GALNT12: variants seen among roughly 807,000 people sequenced by gnomAD.
GALNT12 encodes the protein UDP-GalNAc:polypeptide N-acetylgalactosaminyltransferase 12.
Under a neutral mutation model 55.5 loss-of-function variants are expected in GALNT12, and 45 were observed. That is an observed-to-expected ratio of 0.81 (90% confidence interval 0.64 to 1.04). The LOEUF is 1.04. Among genes scored for constraint, GALNT12 ranks in the 50% least tolerant of loss-of-function variants. The pLI is 0.00. For synonymous variants in GALNT12, 304 were observed against 312.2 expected, an observed-to-expected ratio of 0.97 and a Z score of 0.28; for missense variants, 709 against 754.8, an observed-to-expected ratio of 0.94 and a Z score of 0.71.
At chr9:98,812,012 A>C (rs1835506668) in intron 1 of GALNT12, among the ~76,000 whole-genome samples, 1 of 152,202 alleles carries the variant, frequency 6.6e-6, no homozygotes, top group Non-Finnish European at 1.5e-5. Flanking sequence ...GTAATTAAGC[A>C]AAAGTATGTC....
At chr9:98,844,017 G>A in intron 7 of GALNT12, 79 bp from the exon 8 acceptor site, 2 of 958,256 alleles carry the variant, frequency 2.1e-6, no homozygotes, top group Admixed American at 1.8e-5. Context: ...CTCATGCCAG[G>A]TACCCTCCCC....
At position 98,845,983 on chromosome 9, in the gene GALNT12, G is replaced by A. The variant is rs137917376; in HGVS notation, c.1465G>A (p.Glu489Lys). Reference protein sequence around the residue: ...CHGMGQNQFFEYTSQKEIRYN... With the variant: ...CHGMGQNQFFKYTSQKEIRYN... ...TTGGCTGCCCCATTTTTAGTTTTTC[G>A]AGTACACGTCCCAGAAAGAAATACG... The change falls in exon 9 of 10, where the codon GAG becomes AAG. Residue 489 changes from glutamate (E) to lysine (K), a missense_variant. Coordinates refer to ENST00000375011, the MANE Select transcript of GALNT12 (RefSeq NM_024642.5). 40 of 1,614,010 alleles carry A rather than the reference G, an allele frequency of 2.5e-5. No individual in the cohort carries two copies. The highest frequency in any genetic ancestry group is 1.1e-4 in the African/African-American group (8 of 74,996).
intron 7 of GALNT12, among the ~76,000 whole-genome samples, chr9:98,843,621 G>A (rs1259970085): frequency 6.6e-6 from 1 of 152,140 alleles, no homozygotes; most frequent in Non-Finnish European, 1.5e-5. Flanking sequence ...TGGCCAGGCT[G>A]GTCTAGAACT....
intron 2 of GALNT12, 147 bp downstream of exon 2, chr9:98,823,572 T>A: frequency 1.4e-6 from 1 of 705,500 alleles, no homozygotes; most frequent in East Asian, 2.6e-5. Flanking sequence ...TCAGGGATAG[T>A]AGCCCAGAAA....
Position 98,849,156 on chromosome 9 carries a change from C to T in GALNT12, c.*64C>T. 6.4e-7 allele frequency: 1 copy of T among 1,574,282 alleles called. No individual in the cohort carries two copies. The highest frequency in any genetic ancestry group is 8.7e-7 in the Non-Finnish European group (1 of 1,145,184). The stretch of plus-strand genomic sequence containing the variant: ...GAGCCAGGACTCTGCCCAACAAAGA[C>T]TTAGCTAAGCAGTGACCAGAACCCA... On this transcript the variant is annotated 3_prime_UTR_variant, in exon 10 of 10. Transcript: ENST00000375011.
chr9:98,848,378 G>A (rs1401595982), intron 9 of GALNT12, among the ~76,000 whole-genome samples: 1 of 152,196 alleles, frequency 6.6e-6, no homozygotes, highest in Non-Finnish European at 1.5e-5. Flanking sequence ...AATTGAGCAA[G>A]GGCTGGCAGA....
intron 1 of GALNT12, among the ~76,000 whole-genome samples, chr9:98,821,516 T>C (rs1182509567): frequency 6.6e-6 from 1 of 150,552 alleles, no homozygotes; most frequent in Non-Finnish European, 1.5e-5. Context: ...TCCCAGCTAC[T>C]CAGGAGGCTG....
At chr9:98,848,836 C>A (rs889374780) in intron 9 of GALNT12, 116 bp from the exon 10 acceptor site, 2 of 1,204,400 alleles carry the variant, frequency 1.7e-6, no homozygotes, top group African/African-American at 1.5e-5. Flanking sequence ...AAGACACTTA[C>A]CCCTCAATAA....
At chr9:98,820,995 A>T (rs1390093514) in intron 1 of GALNT12, among the ~76,000 whole-genome samples, 1 of 152,196 alleles carries the variant, frequency 6.6e-6, no homozygotes, top group African/African-American at 2.4e-5. Flanking sequence ...ATGCTACAGT[A>T]TGCTGGATTT....
chr9:98,814,092 T>G (rs1835559217), intron 1 of GALNT12, among the ~76,000 whole-genome samples: 1 of 152,162 alleles, frequency 6.6e-6, no homozygotes, highest in South Asian at 2.1e-4. Context: ...ACTCAATTGA[T>G]GTCATCACGA....
chr9:98,830,762 C>A (rs1004909896), intron 3 of GALNT12, among the ~76,000 whole-genome samples: 1 of 152,234 alleles, frequency 6.6e-6, no homozygotes, highest in Non-Finnish European at 1.5e-5. Flanking sequence ...CTGTCTCACG[C>A]AACCTGTTCT....
chr9:98,823,991 A>G (rs1029445552), intron 2 of GALNT12, among the ~76,000 whole-genome samples: 1 of 152,222 alleles, frequency 6.6e-6, no homozygotes, highest in Non-Finnish European at 1.5e-5. Context: ...AGAGCAGCTA[A>G]GCTTAACCAA....
chr9:98,823,531 T>C, intron 2 of GALNT12, 106 bp downstream of exon 2: 1 of 946,690 alleles, frequency 1.1e-6, no homozygotes, highest in African/African-American at 1.6e-5. Flanking sequence ...AAGGATGGGC[T>C]TCCTGTATCC....
chr9:98,846,498 T>C (rs1836417534), intron 9 of GALNT12, among the ~76,000 whole-genome samples: 1 of 152,150 alleles, frequency 6.6e-6, no homozygotes, highest in African/African-American at 2.4e-5. Flanking sequence ...GTAAGGATGT[T>C]AGCCAAAGTG....
intron 6 of GALNT12, among the ~76,000 whole-genome samples, chr9:98,838,408 A>T (rs1374816223): frequency 6.8e-6 from 1 of 147,740 alleles, no homozygotes; most frequent in Admixed American, 6.6e-5. Context: ...GTCTCAGCTC[A>T]GTTGGCTTGC....
intron 8 of GALNT12, 29 bp from the exon 9 acceptor site, chr9:98,845,948 G>A (rs1328620292): frequency 6.2e-7 from 1 of 1,612,988 alleles, no homozygotes; most frequent in Non-Finnish European, 8.5e-7. Flanking sequence ...GGAAAATGTT[G>A]TGTTACATGT....
chr9:98,825,327 A>G (rs568908814), intron 2 of GALNT12, among the ~76,000 whole-genome samples: 14 of 152,374 alleles, frequency 9.2e-5, no homozygotes, highest in Admixed American at 2.6e-4. Flanking sequence ...CAGTTCTCTC[A>G]TAAAAATGTG....
At chr9:98,821,344 A>G (rs1835729993) in intron 1 of GALNT12, among the ~76,000 whole-genome samples, 1 of 151,862 alleles carries the variant, frequency 6.6e-6, no homozygotes, top group Non-Finnish European at 1.5e-5. Context: ...ATTTCTGGCC[A>G]GGCGCGGTGG....
chr9:98,817,059 C>G (rs1835628871), intron 1 of GALNT12, among the ~76,000 whole-genome samples: 1 of 152,122 alleles, frequency 6.6e-6, no homozygotes, highest in South Asian at 2.1e-4. Context: ...ATCTCCTGAC[C>G]TCGTGATTCA....
Sources: gnomAD v4.1 joint callset for allele counts (sites outside exome capture counted in the v4.1 genomes callset) on GRCh38, gnomAD v4.1.1 for gene constraint, MANE v1.5 for transcripts, NCBI Gene and HGNC (gene_info 2026-07-23, HGNC 2026-07-21) for gene names.